SNX6: variants seen among roughly 807,000 people sequenced by gnomAD.
SNX6 encodes the protein sorting nexin 6.
In SNX6, 34 loss-of-function variants were observed where a neutral mutation model predicts 63.0. The ratio of observed to expected loss-of-function variants is 0.54; its 90% confidence interval spans 0.41 to 0.72. The LOEUF (loss-of-function observed/expected upper bound fraction) is 0.72, where lower values mean the gene tolerates loss of function less well. Ranked by LOEUF, SNX6 falls within the 30% of genes least tolerant of loss-of-function variation. The pLI, the probability that SNX6 is intolerant of heterozygous loss-of-function variation, is 0.00. For missense variants in SNX6, 398 were observed against 471.4 expected (o/e 0.84, Z 1.44); for synonymous variants, 170 against 164.2 (o/e 1.04, Z -0.27).
chr14:34,621,151 AC>A (rs1289944553), intron 2 of SNX6, among the ~76,000 whole-genome samples: 1 of 151,780 alleles, frequency 6.6e-6, no homozygotes, highest in African/African-American at 2.4e-5. Flanking sequence ...CTCTCTACAG[AC>A]CCCAGACTGG....
Position 34,593,097 on chromosome 14 carries a change from G to T in SNX6, c.666C>A (p.Asn222Lys). ...ATTTAGCAGATGCATCCTTAACTCG[G>T]TTATGATACTCCAAAAGAAATGTTC... Reference protein sequence around the residue: ...HERTFLLEYHNRVKDASAKSD... With the variant: ...HERTFLLEYHKRVKDASAKSD... The change falls in exon 8 of 14, where the codon AAC (asparagine) becomes AAA (lysine). Residue 222 changes from asparagine to lysine, a missense_variant. Asn to Lys is a moderately conservative substitution (Grantham distance 94). Transcript: ENST00000362031. The T allele has an allele frequency of 6.2e-7, 1 of 1,608,978 alleles. No homozygotes were observed. The highest frequency in any genetic ancestry group is 8.5e-7 in the Non-Finnish European group (1 of 1,178,584).
At chr14:34,629,994 G>A (rs202245364) in intron 1 of SNX6, 40 bp from the exon 2 acceptor site, 733 of 1,520,424 alleles carry the variant, frequency 4.8e-4, no homozygotes, top group Admixed American at 7.1e-4. Context: ...GGAAAAGGAT[G>A]AGATGGGGGA....
intron 8 of SNX6, among the ~76,000 whole-genome samples, chr14:34,592,602 C>T (rs1289960186): frequency 2.0e-5 from 3 of 152,230 alleles, no homozygotes; most frequent in East Asian, 3.9e-4. Flanking sequence ...CTCTGTCACC[C>T]AGACTGAAGT....
chr14:34,575,713 G>C (rs758304094), intron 11 of SNX6, 43 bp downstream of exon 11: 5 of 1,051,332 alleles, frequency 4.8e-6, no homozygotes, highest in Middle Eastern at 4.3e-4. Context: ...CTCAAGAAAT[G>C]GCTGTTTGTA....
At chr14:34,613,902 T>A (rs1883324734) in intron 2 of SNX6, among the ~76,000 whole-genome samples, 2 of 149,312 alleles carry the variant, frequency 1.3e-5, no homozygotes, top group African/African-American at 5.0e-5. Context: ...AGGTCAGGAG[T>A]TCAAGACCAA....
intron 11 of SNX6, among the ~76,000 whole-genome samples, chr14:34,573,193 G>A (rs1881527807): frequency 6.6e-6 from 1 of 152,062 alleles, no homozygotes; most frequent in Non-Finnish European, 1.5e-5. Context: ...GCCTAGGCTG[G>A]TCTTGAACTC....
chr14:34,622,616 G>A (rs1262212447), intron 2 of SNX6, among the ~76,000 whole-genome samples: 1 of 151,042 alleles, frequency 6.6e-6, no homozygotes, highest in Non-Finnish European at 1.5e-5. Context: ...CCACTGCCTG[G>A]AGTCTTTCAC....
rs962905297 is a variant in SNX6, at chr14:34,598,060, G to A, written c.517-415C>T. On this transcript the variant is annotated intron_variant, in intron 6 of 13. Coordinates refer to ENST00000362031, the MANE Select transcript of SNX6 (RefSeq NM_152233.4). Reference sequence around the variant, plus strand: ...GCACAATATACCACTGTATGATTCCGCAATAACTCTGAATATATATCCTAT... The same window carrying A: ...GCACAATATACCACTGTATGATTCCACAATAACTCTGAATATATATCCTAT... Among the ~76,000 whole-genome samples the A allele has an allele frequency of 1.2e-4, 19 of 152,186 alleles. No homozygotes were observed. In the East Asian group the frequency reaches 1.5e-3, roughly 12 times the overall value.
At chr14:34,580,187 A>AAAAC (rs1349661069) in intron 10 of SNX6, among the ~76,000 whole-genome samples, 2 of 152,220 alleles carry the variant, frequency 1.3e-5, no homozygotes, top group South Asian at 2.1e-4. Context: ...CTCCGTCTCA[A>AAAAC]AAACAAACAA....
intron 9 of SNX6, among the ~76,000 whole-genome samples, chr14:34,584,755 AT>A (rs1425097198): frequency 2.0e-5 from 3 of 150,598 alleles, no homozygotes; most frequent in Non-Finnish European, 4.4e-5. Flanking sequence ...AGAAAAAAAA[AT>A]ATATATAGAG....
intron 8 of SNX6, among the ~76,000 whole-genome samples, chr14:34,591,308 T>C (rs1594719849): frequency 6.6e-6 from 1 of 152,170 alleles, no homozygotes; most frequent in South Asian, 2.1e-4. Context: ...ATTATGCACT[T>C]GGCCGTTTAG....
At position 34,567,183 on chromosome 14, in the gene SNX6, CA is replaced by C. The variant is rs1881221879; in HGVS notation, c.1167+502del. Among the ~76,000 whole-genome samples, 5 of 151,542 alleles carry C rather than the reference CA, an allele frequency of 3.3e-5. No individual in the cohort carries two copies. In the South Asian group the frequency reaches 1.0e-3, roughly 32 times the overall value. On this transcript the variant is annotated intron_variant, in intron 13 of 13. Coordinates refer to ENST00000362031, the MANE Select transcript of SNX6 (RefSeq NM_152233.4). ...AGGTTGCGGAGGTCTCAAAACAAAA[CA>C]AAACAAAAAAGCCCCAGACTAGCCG...
At chr14:34,589,678 A>T (rs8018918) in intron 8 of SNX6, among the ~76,000 whole-genome samples, 133,454 of 151,912 alleles carry the variant, frequency 0.88, 58,870 homozygotes, top group African/African-American at 0.95. Context: ...AATACAAAAG[A>T]TAGCCAGGCA....
chr14:34,575,799 G>T lies in SNX6; in HGVS notation c.878C>A (p.Ser293Tyr), dbSNP rs1881670631. 2.5e-6 allele frequency: 4 copies of T among 1,596,100 alleles called. No individual in the cohort carries two copies. The highest frequency in any genetic ancestry group is 2.6e-6 in the Non-Finnish European group (3 of 1,171,894). Residue 293 changes from serine to tyrosine, a missense_variant, in exon 11 of 14, where the codon TCT becomes TAT. By Grantham distance (144) the Ser-to-Tyr change is moderately radical. Coordinates refer to ENST00000362031, the MANE Select transcript of SNX6 (RefSeq NM_152233.4). ...TCTTAAGTAATATTTTAAAAGATCA[G>T]AAAGTTTGAGGTCTTCATCAGCAGA... ...RVSADEDLKL[S>Y]DLLKYYLRES... is the part of the protein sequence containing the mutation.
At chr14:34,588,719 T>C (rs967052338) in intron 8 of SNX6, among the ~76,000 whole-genome samples, 2 of 152,184 alleles carry the variant, frequency 1.3e-5, no homozygotes, top group African/African-American at 4.8e-5. Flanking sequence ...GAAGGATCAA[T>C]ATTGTTAAGA....
intron 10 of SNX6, 46 bp from the exon 11 acceptor site, chr14:34,575,888 T>C (rs1303617015): frequency 3.7e-6 from 4 of 1,085,304 alleles, no homozygotes; most frequent in Non-Finnish European, 5.4e-6. Flanking sequence ...AACTACATTC[T>C]CCTCTCAGTG....
chr14:34,594,503 G>A (rs571968409), intron 7 of SNX6, among the ~76,000 whole-genome samples: 41 of 152,016 alleles, frequency 2.7e-4, no homozygotes, highest in African/African-American at 9.4e-4. Context: ...ACAGGCGCAT[G>A]CCACAACGCC....
In SNX6 at chr14:34,598,351, G is replaced by A. The variant is rs568854215; in HGVS notation, c.517-706C>T. 3.3e-5 allele frequency among the ~76,000 whole-genome samples: 5 copies of A among 152,182 alleles called. No homozygotes were observed. The East Asian group carries it at 9.6e-4, about 29-fold the overall frequency. On this transcript the variant is annotated intron_variant, in intron 6 of 13. Coordinates refer to ENST00000362031, the MANE Select transcript of SNX6 (RefSeq NM_152233.4). ...GACTCACAGATCTCTATCACTACCT[G>A]CTATGGTCTGAATGTATGTGTCCCC...
chr14:34,575,969 G>C (rs1384009036), intron 10 of SNX6, 127 bp from the exon 11 acceptor site: 1 of 404,906 alleles, frequency 2.5e-6, no homozygotes, highest in African/African-American at 2.2e-5. Flanking sequence ...TGTCACCCAG[G>C]CTGGAGTGCA....
Sources: gnomAD v4.1 joint callset for allele counts (sites outside exome capture counted in the v4.1 genomes callset) on GRCh38, gnomAD v4.1.1 for gene constraint, MANE v1.5 for transcripts, NCBI Gene and HGNC (gene_info 2026-07-23, HGNC 2026-07-21) for gene names.